PRKAG2: variants seen among roughly 807,000 people sequenced by gnomAD.
The protein encoded by PRKAG2 is 5'-AMP-activated protein kinase subunit gamma-2.
PRKAG2 carries 26 observed loss-of-function variants against 69.6 expected under a neutral mutation model. That is an observed-to-expected ratio of 0.37 (90% CI 0.27 to 0.52). The LOEUF is 0.52. Ranked by LOEUF, PRKAG2 falls within the 20% of genes least tolerant of loss-of-function variation. PRKAG2 has a pLI of 0.90. For synonymous variants in PRKAG2, 293 were observed against 285.0 expected (o/e 1.03, Z -0.28); for missense variants, 557 against 740.0 (o/e 0.75, Z 2.87).
At chr7:151,869,671 C>T (rs12703165) in intron 1 of PRKAG2, among the ~76,000 whole-genome samples, 26,499 of 152,234 alleles carry the variant, frequency 0.17, 2,372 homozygotes, top group Middle Eastern at 0.24. Flanking sequence ...TCTAGCTGCC[C>T]GTTCCCTCCA....
intron 3 of PRKAG2, among the ~76,000 whole-genome samples, chr7:151,697,509 G>C (rs546275714): frequency 6.6e-6 from 1 of 152,264 alleles, no homozygotes; most frequent in Non-Finnish European, 1.5e-5. Context: ...GAGGGTCACA[G>C]GAAAGGGGAA....
At chr7:151,590,373 G>T (rs1477973948) in intron 6 of PRKAG2, among the ~76,000 whole-genome samples, 1 of 152,252 alleles carries the variant, frequency 6.6e-6, no homozygotes, top group Non-Finnish European at 1.5e-5. Context: ...ACTCTGCGGG[G>T]TGTGGATGCA....
chr7:151,830,761 T>C (rs1358616967), intron 1 of PRKAG2, among the ~76,000 whole-genome samples: 2 of 130,300 alleles, frequency 1.5e-5, no homozygotes, highest in East Asian at 5.5e-4. Context: ...CTTCCCTCTT[T>C]TATGCTTCTT....
intron 10 of PRKAG2, among the ~76,000 whole-genome samples, chr7:151,569,511 A>G (rs1487670116): frequency 6.6e-6 from 1 of 152,224 alleles, no homozygotes; most frequent in African/African-American, 2.4e-5. Flanking sequence ...CGGCCCGGCT[A>G]GGAGATATTG....
chr7:151,846,008 C>T (rs2079423493), intron 1 of PRKAG2, among the ~76,000 whole-genome samples: 1 of 152,168 alleles, frequency 6.6e-6, no homozygotes, highest in South Asian at 2.1e-4. Context: ...CAGATGAGTC[C>T]CTGTGACATG....
At chr7:151,570,288 A>T in intron 9 of PRKAG2, 63 bp from the exon 10 acceptor site, 1 of 1,529,722 alleles carries the variant, frequency 6.5e-7, no homozygotes, top group Admixed American at 1.8e-5. Context: ...TTATAACACA[A>T]ATTCAAATAC....
chr7:151,741,764 G>A (rs2073910326), intron 3 of PRKAG2, among the ~76,000 whole-genome samples: 1 of 152,052 alleles, frequency 6.6e-6, no homozygotes, highest in African/African-American at 2.4e-5. Context: ...AACTTAGGCA[G>A]GCCTGACGTT....
intron 1 of PRKAG2, among the ~76,000 whole-genome samples, chr7:151,795,499 A>G (rs949549065): frequency 6.6e-5 from 10 of 152,142 alleles, no homozygotes; most frequent in African/African-American, 2.4e-4. Flanking sequence ...CACTGACCAC[A>G]TCCCATCGTG....
chr7:151,721,170 C>G (rs1209493615), intron 3 of PRKAG2, among the ~76,000 whole-genome samples: 1 of 151,914 alleles, frequency 6.6e-6, no homozygotes, highest in African/African-American at 2.4e-5. Context: ...GCATGGGAGC[C>G]AGAACCCTGC....
At position 151,777,365 on chromosome 7, in the gene PRKAG2, G is replaced by A. The variant is rs60474756; in HGVS notation, c.466+3787C>T. ...GATAGAGGTTGAGTGTTTCTTCCCC[G>A]CTCTCAGGTTGAAATTGGATCCCCG... On this transcript the variant is annotated intron_variant, in intron 3 of 15. Transcript: ENST00000287878. This position sits in a 1 kb window ranked among gnomAD's most constrained non-coding sequence, Gnocchi z 4.3. 0.02 allele frequency among the ~76,000 whole-genome samples: 3,041 copies of A among 152,260 alleles called. 90 individuals are homozygous for A. The highest frequency in any genetic ancestry group is 0.069 in the African/African-American group (2,875 of 41,544).
At chr7:151,782,327 AGGAAGGAAGGAAGGAGGGAGGGAG>A (rs1353879999) in intron 2 of PRKAG2, among the ~76,000 whole-genome samples, 2 of 47,810 alleles carry the variant, frequency 4.2e-5, no homozygotes, top group Non-Finnish European at 8.0e-5. Context: ...GAAGGAAGGA[AGGAAGGAAGGAAGGAGGGAGGGAG>A]GGAGGGAGGG....
chr7:151,839,216 T>C (rs999157075), intron 1 of PRKAG2, among the ~76,000 whole-genome samples: 2 of 152,032 alleles, frequency 1.3e-5, no homozygotes, highest in African/African-American at 4.8e-5. Context: ...CTGCTAAGAA[T>C]CAGAAAAGTC....
chr7:151,728,634 C>T (rs899994950), intron 3 of PRKAG2, among the ~76,000 whole-genome samples: 2 of 152,204 alleles, frequency 1.3e-5, no homozygotes, highest in African/African-American at 2.4e-5. Context: ...CTTTCCCTTT[C>T]GTCTTCGGAC....
At chr7:151,575,052 T>C in intron 7 of PRKAG2, 103 bp from the exon 8 acceptor site, 1 of 1,477,888 alleles carries the variant, frequency 6.8e-7, no homozygotes, top group Non-Finnish European at 9.1e-7. Flanking sequence ...GCTTATAAAA[T>C]ATACTTCGAA....
At chr7:151,815,255 C>T (rs2078607973) in intron 1 of PRKAG2, among the ~76,000 whole-genome samples, 1 of 152,160 alleles carries the variant, frequency 6.6e-6, no homozygotes, top group African/African-American at 2.4e-5. Context: ...CTATATCAGC[C>T]ATGTCTCTGA....
chr7:151,766,224 G>A (rs1197543397), intron 3 of PRKAG2, among the ~76,000 whole-genome samples: 2 of 152,206 alleles, frequency 1.3e-5, no homozygotes, highest in African/African-American at 4.8e-5. Flanking sequence ...CTGGGCTGCA[G>A]ATCTGAAACC....
chr7:151,570,836 G>A (rs1226337297), intron 9 of PRKAG2, among the ~76,000 whole-genome samples: 1 of 151,846 alleles, frequency 6.6e-6, no homozygotes, highest in African/African-American at 2.4e-5. Flanking sequence ...GGCATGATCT[G>A]GGTTCACTGC....
chr7:151,832,642 T>C (rs969109667), intron 1 of PRKAG2, among the ~76,000 whole-genome samples: 1 of 150,456 alleles, frequency 6.6e-6, no homozygotes, highest in Admixed American at 6.6e-5. Flanking sequence ...TTCCACAGCG[T>C]GAGCCCCCCG....
At chr7:151,860,879 G>C (rs1057436260) in intron 1 of PRKAG2, among the ~76,000 whole-genome samples, 8 of 152,128 alleles carry the variant, frequency 5.3e-5, no homozygotes, top group Non-Finnish European at 1.0e-4. Flanking sequence ...GCTTGTGGTA[G>C]AGGGAGGTGC....
Sources: allele counts gnomAD v4.1 joint callset (sites outside exome capture counted in the v4.1 genomes callset), GRCh38; gene constraint gnomAD v4.1.1; non-coding constraint Gnocchi (gnomAD v3.1); transcripts MANE v1.5; gene names NCBI Gene and HGNC (gene_info 2026-07-23, HGNC 2026-07-21).